The following SSH2 variants were observed in gnomAD, a reference collection of about 807,000 sequenced individuals.
SSH2 encodes slingshot protein phosphatase 2.
SSH2 carries 37 observed loss-of-function variants against 135.2 expected under a neutral mutation model. The ratio of observed to expected loss-of-function variants is 0.27; its 90% CI spans 0.21 to 0.36. SSH2 has a LOEUF of 0.36. Ranked by LOEUF, SSH2 falls within the 10% of genes least tolerant of loss-of-function variation. SSH2 has a pLI of 1.00. For synonymous variants in SSH2, 628 were observed against 646.2 expected, an observed-to-expected ratio of 0.97 and a Z score of 0.43; for missense variants, 1,408 against 1,765.3, an observed-to-expected ratio of 0.80 and a Z score of 3.63.
intron 6 of SSH2, among the ~76,000 whole-genome samples, chr17:29,678,887 G>A (rs913056721): frequency 1.3e-5 from 2 of 151,590 alleles, no homozygotes; most frequent in African/African-American, 2.4e-5. Flanking sequence ...GCTAATTTTT[G>A]TATTTTTAGC....
At chr17:29,804,612 T>C (rs1056647346) in intron 2 of SSH2, among the ~76,000 whole-genome samples, 1 of 152,232 alleles carries the variant, frequency 6.6e-6, no homozygotes, top group Non-Finnish European at 1.5e-5. Flanking sequence ...AGAGTTGTTA[T>C]ACAGTCTTTT....
chr17:29,850,872 C>T (rs2065542880), intron 1 of SSH2, among the ~76,000 whole-genome samples: 1 of 152,098 alleles, frequency 6.6e-6, no homozygotes, highest in Non-Finnish European at 1.5e-5. Flanking sequence ...GCAGTCCCAC[C>T]TACTCGGGAG....
At chr17:29,719,046 G>A (rs1328820984) in intron 3 of SSH2, among the ~76,000 whole-genome samples, 1 of 152,086 alleles carries the variant, frequency 6.6e-6, no homozygotes, top group Admixed American at 6.6e-5. Flanking sequence ...TGTAGGAGGG[G>A]ACTATACAAG....
intron 3 of SSH2, among the ~76,000 whole-genome samples, chr17:29,764,687 A>G (rs555795882): frequency 6.6e-6 from 1 of 152,356 alleles, no homozygotes; most frequent in Non-Finnish European, 1.5e-5. Flanking sequence ...TTTGCTGACC[A>G]TTTCAAGATT....
chr17:29,756,599 C>T (rs1211989566), intron 3 of SSH2, among the ~76,000 whole-genome samples: 2 of 151,474 alleles, frequency 1.3e-5, no homozygotes, highest in African/African-American at 2.4e-5. Flanking sequence ...TGAGCCACTG[C>T]CCTTGGCTCC....
intron 4 of SSH2, among the ~76,000 whole-genome samples, chr17:29,698,978 C>A (rs1027726361): frequency 1.3e-5 from 2 of 152,166 alleles, no homozygotes; most frequent in African/African-American, 4.8e-5. Context: ...AACCAGGAGT[C>A]CTACTCAAGT....
intron 3 of SSH2, among the ~76,000 whole-genome samples, chr17:29,716,095 T>G (rs926326645): frequency 3.3e-5 from 5 of 152,188 alleles, no homozygotes; most frequent in Admixed American, 3.3e-4. Flanking sequence ...TCTGAGAGAA[T>G]GATGTGACCT....
At chr17:29,696,172 T>C (rs571516693) in intron 4 of SSH2, among the ~76,000 whole-genome samples, 2,350 of 116,492 alleles carry the variant, frequency 0.02, 55 homozygotes, top group African/African-American at 0.063. Flanking sequence ...TATGTATATA[T>C]ATACACACAC....
chr17:29,752,636 T>C (rs910544177), intron 3 of SSH2, among the ~76,000 whole-genome samples: 1 of 151,968 alleles, frequency 6.6e-6, no homozygotes, highest in Non-Finnish European at 1.5e-5. Context: ...AAAAGCAACA[T>C]GCAAAATCTT....
intron 2 of SSH2, among the ~76,000 whole-genome samples, chr17:29,838,502 T>C (rs778935119): frequency 6.6e-6 from 1 of 152,214 alleles, no homozygotes; most frequent in Non-Finnish European, 1.5e-5. Flanking sequence ...TGGGAATTTG[T>C]AGTGCTTTTT....
chr17:29,670,580 C>A (rs1285743397), intron 9 of SSH2, among the ~76,000 whole-genome samples: 2 of 152,002 alleles, frequency 1.3e-5, no homozygotes, highest in African/African-American at 4.8e-5. Flanking sequence ...CAGAGACCAG[C>A]CTGGTCAACA....
intron 1 of SSH2, among the ~76,000 whole-genome samples, chr17:29,887,960 G>T (rs1567632543): frequency 6.6e-6 from 1 of 152,066 alleles, no homozygotes; most frequent in African/African-American, 2.4e-5. Flanking sequence ...GCTGAGGCCA[G>T]GCGTGGTAAC....
At chr17:29,691,444 G>C (rs2038467754) in intron 5 of SSH2, among the ~76,000 whole-genome samples, 1 of 151,606 alleles carries the variant, frequency 6.6e-6, no homozygotes, top group South Asian at 2.1e-4. Flanking sequence ...GCCTGTATTT[G>C]GAACACAGAG....
At chr17:29,825,787 A>C (rs2042732136) in intron 2 of SSH2, among the ~76,000 whole-genome samples, 1 of 152,194 alleles carries the variant, frequency 6.6e-6, no homozygotes, top group African/African-American at 2.4e-5. Context: ...GAGTGCTTAC[A>C]TAGTGTCTGA....
chr17:29,709,015 T>TATATATATATAGAGAG (rs780981175), intron 3 of SSH2, among the ~76,000 whole-genome samples: 112 of 81,582 alleles, frequency 1.4e-3, no homozygotes, highest in Non-Finnish European at 1.7e-3. Flanking sequence ...TATATATATA[T>TATATATATATAGAGAG]AGAGAGAGAG....
chr17:29,920,998 C>A (rs973298613), intron 1 of SSH2, among the ~76,000 whole-genome samples: 1 of 151,952 alleles, frequency 6.6e-6, no homozygotes, highest in Non-Finnish European at 1.5e-5. Flanking sequence ...ATGAAGAAAG[C>A]TGGGCAAAGA....
chr17:29,653,706 C>A (rs1010691722), intron 12 of SSH2, among the ~76,000 whole-genome samples: 1 of 152,136 alleles, frequency 6.6e-6, no homozygotes, highest in Non-Finnish European at 1.5e-5. Flanking sequence ...CCTGCCTCAG[C>A]CACCTGAGTA....
At chr17:29,679,637 C>G (rs2037883735) in intron 6 of SSH2, among the ~76,000 whole-genome samples, 1 of 152,088 alleles carries the variant, frequency 6.6e-6, no homozygotes, top group Non-Finnish European at 1.5e-5. Context: ...AACTCCCAAC[C>G]TCAGGTGATC....
intron 3 of SSH2, among the ~76,000 whole-genome samples, chr17:29,759,912 T>C (rs1567954866): frequency 6.6e-6 from 1 of 152,228 alleles, no homozygotes; most frequent in Admixed American, 6.5e-5. Context: ...TATTTACCCA[T>C]TAACTTCTTC....
Sources: allele counts gnomAD v4.1 joint callset (sites outside exome capture counted in the v4.1 genomes callset), GRCh38; gene constraint gnomAD v4.1.1; transcripts MANE v1.5; gene names NCBI Gene and HGNC (gene_info 2026-07-23, HGNC 2026-07-21).